Variants in SEMA6A observed in about 807,000 individuals in gnomAD.
SEMA6A encodes semaphorin-6A.
In SEMA6A, 25 loss-of-function variants were observed where a neutral mutation model predicts 96.8. That is an observed-to-expected ratio of 0.26 (90% CI 0.19 to 0.36). The LOEUF (loss-of-function observed/expected upper bound fraction) is 0.36. Ranked by LOEUF, SEMA6A falls within the 10% of genes least tolerant of loss-of-function variation. The pLI is 1.00. For missense variants in SEMA6A, 1,363 were observed against 1,323.1 expected, an observed-to-expected ratio of 1.03 and a Z score of -0.47; for synonymous variants, 612 against 518.0, an observed-to-expected ratio of 1.18 and a Z score of -2.46.
At chr5:116,537,326 A>G (rs1361854627) in intron 1 of SEMA6A, among the ~76,000 whole-genome samples, 1 of 152,208 alleles carries the variant, frequency 6.6e-6, no homozygotes, top group Non-Finnish European at 1.5e-5. Flanking sequence ...GAGAAGTTAA[A>G]TGACTTACTC....
intron 1 of SEMA6A, among the ~76,000 whole-genome samples, chr5:116,559,394 G>C (rs1330415700): frequency 1.3e-5 from 2 of 152,200 alleles, no homozygotes; most frequent in East Asian, 1.9e-4. Context: ...TGGAGATTGA[G>C]AGGGGCCGTC....
At chr5:116,564,421 A>G (rs1760943440) in intron 1 of SEMA6A, among the ~76,000 whole-genome samples, 1 of 152,232 alleles carries the variant, frequency 6.6e-6, no homozygotes, top group Non-Finnish European at 1.5e-5. Context: ...GTTTTAATCT[A>G]CAAAGGAATT....
At chr5:116,538,001 C>T (rs1196550207) in intron 1 of SEMA6A, among the ~76,000 whole-genome samples, 1 of 152,152 alleles carries the variant, frequency 6.6e-6, no homozygotes, top group African/African-American at 2.4e-5. Flanking sequence ...ATGGTGAAAC[C>T]TCGTCTCTAC....
At chr5:116,482,735 TTC>T (rs1399649918) in intron 10 of SEMA6A, among the ~76,000 whole-genome samples, 160 bp from the exon 11 acceptor site, 1 of 152,216 alleles carries the variant, frequency 6.6e-6, no homozygotes, top group African/African-American at 2.4e-5. Flanking sequence ...AAGAAAATAT[TTC>T]TCTCAATCAA....
At chr5:116,465,140 C>T (rs1755649935) in intron 18 of SEMA6A, among the ~76,000 whole-genome samples, 1 of 152,106 alleles carries the variant, frequency 6.6e-6, no homozygotes, top group Non-Finnish European at 1.5e-5. Context: ...ATGCTGCATA[C>T]ACGGATGTGA....
intron 6 of SEMA6A, among the ~76,000 whole-genome samples, chr5:116,494,809 T>C (rs980396626): frequency 6.6e-6 from 1 of 152,222 alleles, no homozygotes; most frequent in Non-Finnish European, 1.5e-5. Flanking sequence ...CTGCCACCTC[T>C]GCTTCCAGGC....
intron 18 of SEMA6A, chr5:116,449,458 C>A (rs772020404): frequency 1.2e-5 from 8 of 664,264 alleles, no homozygotes; most frequent in Admixed American, 6.8e-5. Flanking sequence ...CCCAAGCCCA[C>A]AACACGCAAC....
chr5:116,509,629 CGATTAGGAAG>C (rs1458240142), intron 1 of SEMA6A, among the ~76,000 whole-genome samples: 1 of 129,602 alleles, frequency 7.7e-6, no homozygotes, highest in African/African-American at 3.0e-5. Context: ...AGAGAGCATG[CGATTAGGAAG>C]GATGGTACAG....
chr5:116,454,043 C>A (rs1242321475), intron 18 of SEMA6A, among the ~76,000 whole-genome samples: 1 of 152,158 alleles, frequency 6.6e-6, no homozygotes, highest in East Asian at 1.9e-4. Flanking sequence ...TCCCCTCTCA[C>A]CCCCTTTCAC....
At chr5:116,551,772 A>G (rs996024397) in intron 1 of SEMA6A, among the ~76,000 whole-genome samples, 1 of 152,206 alleles carries the variant, frequency 6.6e-6, no homozygotes, top group Non-Finnish European at 1.5e-5. Flanking sequence ...CAGAGGTCGT[A>G]ATCACAACAA....
At chr5:116,520,824 A>G (rs1758911090) in intron 1 of SEMA6A, among the ~76,000 whole-genome samples, 2 of 150,920 alleles carry the variant, frequency 1.3e-5, no homozygotes, top group Admixed American at 6.6e-5. Flanking sequence ...CTGACTGCCT[A>G]TGGTTCTTGG....
At chr5:116,451,335 A>G (rs1009664125) in intron 18 of SEMA6A, among the ~76,000 whole-genome samples, 2 of 152,198 alleles carry the variant, frequency 1.3e-5, no homozygotes, top group African/African-American at 4.8e-5. Flanking sequence ...GCTCCATTGG[A>G]TTCCATTTGC....
chr5:116,532,131 G>C (rs1407464069), intron 1 of SEMA6A, among the ~76,000 whole-genome samples: 1 of 152,164 alleles, frequency 6.6e-6, no homozygotes, highest in African/African-American at 2.4e-5. Context: ...TTATGTTCGA[G>C]TGCTATTTCT....
chr5:116,460,578 T>A (rs1755322138), intron 18 of SEMA6A, among the ~76,000 whole-genome samples: 1 of 152,170 alleles, frequency 6.6e-6, no homozygotes, highest in Admixed American at 6.5e-5. Context: ...TATGCAATAT[T>A]TGCGGTATAT....
At chr5:116,479,318 T>A (rs1756632933) in intron 12 of SEMA6A, among the ~76,000 whole-genome samples, 1 of 152,212 alleles carries the variant, frequency 6.6e-6, no homozygotes, top group African/African-American at 2.4e-5. Context: ...ATTTGCTTTC[T>A]CTGAAATCCC....
intron 3 of SEMA6A, among the ~76,000 whole-genome samples, chr5:116,498,233 T>C (rs560840682): frequency 1.4e-4 from 22 of 152,294 alleles, no homozygotes; most frequent in African/African-American, 5.3e-4. Context: ...ACAGCTCATT[T>C]TCCCTTGAAA....
intron 18 of SEMA6A, among the ~76,000 whole-genome samples, chr5:116,452,968 G>A (rs1482294595): frequency 3.3e-5 from 5 of 152,234 alleles, no homozygotes; most frequent in African/African-American, 2.4e-5. Flanking sequence ...TCTGTCCAAA[G>A]TGTGGCTATG....
At chr5:116,531,934 A>G (rs1398958219) in intron 1 of SEMA6A, among the ~76,000 whole-genome samples, 1 of 152,228 alleles carries the variant, frequency 6.6e-6, no homozygotes, top group African/African-American at 2.4e-5. Flanking sequence ...AAAAGAGCCA[A>G]CTGGAATTAG....
In SEMA6A at chr5:116,447,725, T is replaced by G; in HGVS notation, c.1981A>C (p.Met661Leu). Residue 661 changes from methionine (M) to leucine (L), a missense_variant, in exon 19 of 19, where the codon ATG becomes CTG. Around this residue, in one of 2 missense-constraint regions of SEMA6A, gnomAD observed 883 missense variants for 763.6 expected, o/e 1.16. Transcript: ENST00000343348. ...GTGATGCCCGAGAAGACGGCCCCCA[T>G]GACGAAAGCCAGGATGACTGCAATG... ...LAIAVILAFV[M>L]GAVFSGITVY... The G allele has an allele frequency of 6.2e-7, 1 of 1,613,866 alleles. No individual in the cohort carries two copies. The highest frequency in any genetic ancestry group is 8.5e-7 in the Non-Finnish European group (1 of 1,179,834).
Sources: allele counts gnomAD v4.1 joint callset (sites outside exome capture counted in the v4.1 genomes callset), GRCh38; gene constraint gnomAD v4.1.1; regional missense constraint gnomAD v4.1.1; transcripts MANE v1.5; gene names NCBI Gene and HGNC (gene_info 2026-07-23, HGNC 2026-07-21).